The following ATP2B4 variants were observed in gnomAD, a reference collection of about 807,000 sequenced individuals.
ATP2B4 encodes the protein plasma membrane calcium-transporting ATPase 4.
ATP2B4 carries 39 observed loss-of-function variants against 110.3 expected under a neutral mutation model. The ratio of observed to expected loss-of-function variants is 0.35; its 90% CI spans 0.27 to 0.46. ATP2B4 has a LOEUF of 0.46. Ranked by LOEUF, ATP2B4 falls within the 20% of genes least tolerant of loss-of-function variation. The probability of loss-of-function intolerance (pLI) is 1.00; values close to 1 mark genes in which losing one functional copy is unlikely to be tolerated. For synonymous variants in ATP2B4, 538 were observed against 571.7 expected, an observed-to-expected ratio of 0.94 and a Z score of 0.84; for missense variants, 1,135 against 1,530.9, an observed-to-expected ratio of 0.74 and a Z score of 4.32.
intron 1 of ATP2B4, among the ~76,000 whole-genome samples, chr1:203,637,404 C>A (rs1215230480): frequency 6.7e-6 from 1 of 148,408 alleles, no homozygotes; most frequent in East Asian, 2.0e-4. Context: ...CCACTGCACT[C>A]CAGCCTGGGT....
At position 203,739,521 on chromosome 1, in the gene ATP2B4, C is replaced by A. The variant is rs1666952238; in HGVS notation, c.3310-25C>A. ...AATTCTCACCTCTCTATTTTCTCAT[C>A]CTCCTTTTCCTTCCCCTGGTATAGA... is the stretch of plus-strand genomic sequence containing the variant. On this transcript the variant is annotated intron_variant, in intron 20 of 20. Coordinates refer to ENST00000357681, the MANE Select transcript of ATP2B4 (RefSeq NM_001684.5). The A allele has an allele frequency of 3.1e-6, 5 of 1,593,044 alleles. No homozygotes were observed. In the East Asian group the frequency reaches 1.1e-4, roughly 36 times the overall value.
intron 15 of ATP2B4, among the ~76,000 whole-genome samples, chr1:203,719,627 C>A (rs1666261959): frequency 6.6e-6 from 1 of 151,934 alleles, no homozygotes; most frequent in Non-Finnish European, 1.5e-5. Context: ...GGAGAGGAGA[C>A]TCGCTTGAAC....
chr1:203,679,100 G>A (rs189573953), intron 1 of ATP2B4, among the ~76,000 whole-genome samples: 1 of 152,078 alleles, frequency 6.6e-6, no homozygotes, highest in East Asian at 1.9e-4. Flanking sequence ...AGAGGAGGGA[G>A]CACATACCTT....
chr1:203,638,106 A>G (rs1663513545), intron 1 of ATP2B4, among the ~76,000 whole-genome samples: 1 of 151,822 alleles, frequency 6.6e-6, no homozygotes, highest in South Asian at 2.1e-4. Flanking sequence ...AAGAGAAAGG[A>G]CAGATTTGAT....
rs200574191 is a variant in ATP2B4, at chr1:203,699,756, C to T, written c.649+39C>T. ...GTTTCTTTTGCTTACCCCACCACCA[C>T]CCCCATTTAAGGGATAGGTCCTTTG... On this transcript the variant is annotated intron_variant, in intron 4 of 20. Coordinates refer to ENST00000357681, the MANE Select transcript of ATP2B4 (RefSeq NM_001684.5). 8.7e-6 allele frequency: 14 copies of T among 1,607,472 alleles called. No individual in the cohort carries two copies. The Admixed American group carries it at 2.0e-4, about 23-fold the overall frequency.
chr1:203,654,828 A>G (rs1306162229), intron 1 of ATP2B4, among the ~76,000 whole-genome samples: 1 of 151,224 alleles, frequency 6.6e-6, no homozygotes, highest in African/African-American at 2.4e-5. Flanking sequence ...TCGAGGGTGC[A>G]GTGAGCCATG....
chr1:203,735,061 CG>C (rs1558058652), intron 20 of ATP2B4, among the ~76,000 whole-genome samples: 2 of 143,998 alleles, frequency 1.4e-5, no homozygotes, highest in African/African-American at 5.2e-5. Context: ...CATGAAGGTA[CG>C]AGAAATATAC....
chr1:203,675,167 C>T (rs1323405346), intron 1 of ATP2B4, among the ~76,000 whole-genome samples: 1 of 152,204 alleles, frequency 6.6e-6, no homozygotes, highest in Non-Finnish European at 1.5e-5. Flanking sequence ...GTTCTTAAAA[C>T]CTGTGACATG....
At chr1:203,683,520 G>C in intron 2 of ATP2B4, 122 bp downstream of exon 2, 1 of 975,920 alleles carries the variant, frequency 1.0e-6, no homozygotes, top group South Asian at 2.0e-5. Context: ...TTGTCTGGTG[G>C]GAAAGGTATG....
At chr1:203,684,732 C>G (rs1375202963) in intron 2 of ATP2B4, among the ~76,000 whole-genome samples, 4 of 151,978 alleles carry the variant, frequency 2.6e-5, no homozygotes, top group Non-Finnish European at 5.9e-5. Flanking sequence ...TATAACTGTA[C>G]CCATCATATC....
intron 1 of ATP2B4, among the ~76,000 whole-genome samples, chr1:203,649,921 G>A (rs1416694597): frequency 6.6e-6 from 1 of 152,174 alleles, no homozygotes; most frequent in Non-Finnish European, 1.5e-5. Context: ...GTCCCCATAC[G>A]CTAAGTAGGG....
chr1:203,712,282 C>T, intron 13 of ATP2B4, 143 bp downstream of exon 13: 1 of 1,033,122 alleles, frequency 9.7e-7, no homozygotes. Flanking sequence ...TTGTACCAAA[C>T]TGCTGATATG....
rs1312932910 is a variant in ATP2B4, at chr1:203,712,052, C to A, written c.2124C>A (p.Thr708=). 1 of 1,614,138 alleles carries A rather than the reference C, an allele frequency of 6.2e-7. No individual in the cohort carries two copies. Among genetic ancestry groups the A allele is most frequent in the Non-Finnish European group, 8.5e-7 (1 of 1,179,978 alleles). Residue 708 remains threonine, a synonymous_variant, in exon 13 of 21, where the codon ACC becomes ACA. Coordinates refer to ENST00000357681, the MANE Select transcript of ATP2B4 (RefSeq NM_001684.5). The stretch of plus-strand genomic sequence containing the variant: ...TCAACACAGCCCGGGCCATTGCCAC[C>A]AAATGTGGCATTCTGACACCTGGGG... The part of the protein sequence containing the change: ...DNINTARAIA[T]KCGILTPGDD...
intron 2 of ATP2B4, among the ~76,000 whole-genome samples, chr1:203,687,603 C>G (rs988522521): frequency 6.6e-6 from 1 of 152,140 alleles, no homozygotes; most frequent in Non-Finnish European, 1.5e-5. Context: ...AAAATATAAC[C>G]CTTTTCCTTT....
At chr1:203,738,180 T>C (rs1408791074) in intron 20 of ATP2B4, among the ~76,000 whole-genome samples, 1 of 151,906 alleles carries the variant, frequency 6.6e-6, no homozygotes, top group Non-Finnish European at 1.5e-5. Flanking sequence ...GAAGATTTTT[T>C]GGACAAGACT....
chr1:203,671,671 G>C (rs1664666938), intron 1 of ATP2B4, among the ~76,000 whole-genome samples: 1 of 152,184 alleles, frequency 6.6e-6, no homozygotes, highest in Non-Finnish European at 1.5e-5. Flanking sequence ...CAGCTGCACT[G>C]TTACTCATCC....
At chr1:203,696,876 G>A (rs534207918) in intron 2 of ATP2B4, among the ~76,000 whole-genome samples, 2 of 152,236 alleles carry the variant, frequency 1.3e-5, no homozygotes, top group East Asian at 3.9e-4. Flanking sequence ...TGTGAGTGGT[G>A]TATGTGGTTT....
At chr1:203,651,139 G>A (rs1327438343) in intron 1 of ATP2B4, among the ~76,000 whole-genome samples, 1 of 152,168 alleles carries the variant, frequency 6.6e-6, no homozygotes, top group Non-Finnish European at 1.5e-5. Context: ...TTATTTAAGA[G>A]TCTTGATATT....
At chr1:203,714,103 G>C (rs1316699324) in intron 14 of ATP2B4, 68 bp from the exon 15 acceptor site, 2 of 1,367,604 alleles carry the variant, frequency 1.5e-6, no homozygotes, top group African/African-American at 2.8e-5. Flanking sequence ...AGAAGGAGTG[G>C]CGGGTGGTAG....
Sources: allele counts gnomAD v4.1 joint callset (sites outside exome capture counted in the v4.1 genomes callset), GRCh38; gene constraint gnomAD v4.1.1; transcripts MANE v1.5; gene names NCBI Gene and HGNC (gene_info 2026-07-23, HGNC 2026-07-21).